Variants in ZNF331 observed in about 807,000 individuals in gnomAD.
ZNF331 encodes C2H2-like zinc finger protein rearranged in thyroid adenomas.
In ZNF331, 2 loss-of-function variants were observed where a neutral mutation model predicts 7.0. The observed-to-expected ratio is 0.29, with a 90% CI of 0.12 to 0.90. The LOEUF is 0.90. Among genes scored for constraint, ZNF331 ranks in the 40% least tolerant of loss-of-function variants. The pLI, the probability that ZNF331 is intolerant of heterozygous loss-of-function variation, is 0.58. For missense variants in ZNF331, 432 were observed against 587.7 expected, an observed-to-expected ratio of 0.74 and a Z score of 2.74; for synonymous variants, 196 against 205.4, an observed-to-expected ratio of 0.95 and a Z score of 0.39.
chr19:53,503,420 G>T, the ZNF331 span: 2 of 560,790 alleles, frequency 3.6e-6, no homozygotes, highest in Admixed American at 5.7e-5. Flanking sequence ...CCATGGGAAC[G>T]ATCTTCTTAT....
At chr19:53,513,498 T>C in the ZNF331 span, among the ~76,000 whole-genome samples, 1 of 152,216 alleles carries the variant, frequency 6.6e-6, no homozygotes, top group African/African-American at 2.4e-5. Context: ...AACAACAACG[T>C]ACAGGGGTAT....
upstream of ZNF331, among the ~76,000 whole-genome samples, chr19:53,514,668 T>TTTG (rs2086856018): frequency 1.1e-5 from 1 of 90,238 alleles, no homozygotes; most frequent in Non-Finnish European, 2.4e-5. Flanking sequence ...TTTTTTTTTT[T>TTTG]GAGACAGAGT....
chr19:53,574,346 C>T (rs145314604), intron 5 of ZNF331, among the ~76,000 whole-genome samples: 2 of 152,116 alleles, frequency 1.3e-5, no homozygotes, highest in African/African-American at 4.8e-5. Flanking sequence ...AAAGAGCATC[C>T]CCACAGGGCA....
chr19:53,534,061 TAGC>T (rs1182615685), upstream of ZNF331, among the ~76,000 whole-genome samples: 7 of 152,278 alleles, frequency 4.6e-5, no homozygotes, highest in African/African-American at 1.7e-4. Context: ...GCAGCTGTTA[TAGC>T]AGCCAAAACG....
At chr19:53,523,931 G>A (rs2569570) in intron 2 of ZNF331, among the ~76,000 whole-genome samples, 40,025 of 151,884 alleles carry the variant, frequency 0.26, 6,267 homozygotes, top group African/African-American at 0.44. Flanking sequence ...CAACTCCGAC[G>A]GGCCCTGGTG....
chr19:53,564,537 TC>T (rs1025171893), intron 3 of ZNF331, among the ~76,000 whole-genome samples: 1 of 152,184 alleles, frequency 6.6e-6, no homozygotes, highest in African/African-American at 2.4e-5. Flanking sequence ...CGCCTTGGCC[TC>T]CCAAAGCGCT....
At chr19:53,518,295 C>T (rs1038499347), upstream of ZNF331, among the ~76,000 whole-genome samples, 1 of 152,174 alleles carries the variant, frequency 6.6e-6, no homozygotes, top group East Asian at 1.9e-4. Flanking sequence ...TGGTGGTTTG[C>T]CGGGGGCCCT....
In ZNF331 at chr19:53,558,874, C is replaced by G. The variant is rs920144761; in HGVS notation, c.-74+2966C>G. The stretch of plus-strand genomic sequence containing the variant: ...CCATACACACATATACACACACATA[C>G]CCCATATATACACACATATACACAC... On this transcript the variant is annotated intron_variant, in intron 3 of 5. Transcript: ENST00000449416. This position sits in a 1 kb window ranked among gnomAD's most constrained non-coding sequence, Gnocchi z 4.5. 4.5e-5 allele frequency among the ~76,000 whole-genome samples: 6 copies of G among 133,538 alleles called. No individual in the cohort carries two copies. Among genetic ancestry groups the G allele is most frequent in the Admixed American group, 2.1e-4 (3 of 13,976 alleles). The allele number at this position is 133,538 out of a possible 152,430, so 87.6% of individuals were successfully genotyped here. A position where few individuals can be genotyped will look rare whatever the true frequency, so the allele number is the denominator to read the frequency against.
chr19:53,519,828 A>T (rs916179947), upstream of ZNF331, among the ~76,000 whole-genome samples: 3 of 152,022 alleles, frequency 2.0e-5, no homozygotes, highest in Admixed American at 6.5e-5. Flanking sequence ...GAGCTCCCCA[A>T]TCTACTGGGG....
intron 2 of ZNF331, among the ~76,000 whole-genome samples, chr19:53,553,236 G>C (rs1335724624): frequency 2.0e-5 from 3 of 150,984 alleles, no homozygotes; most frequent in Non-Finnish European, 4.4e-5. Context: ...TCTTGGCTGG[G>C]TGCAGTGGCT....
the ZNF331 span, among the ~76,000 whole-genome samples, chr19:53,509,614 C>T: frequency 6.6e-6 from 1 of 152,172 alleles, no homozygotes. Context: ...AGGATCCCTG[C>T]AGGAGAGCAG....
rs549707315 is a variant in ZNF331, at chr19:53,548,212, G to A, written c.-137-7633G>A. Among the ~76,000 whole-genome samples, 5 of 151,904 alleles carry A rather than the reference G, an allele frequency of 3.3e-5. No homozygotes were observed. In the East Asian group the frequency reaches 7.8e-4, roughly 24 times the overall value. ...CAACCTCCGCCTCCCGGGTTCAAGC[G>A]ATTCTCCTGCCTCAGCCTCCGAGTA... is the stretch of plus-strand genomic sequence containing the variant. On this transcript the variant is annotated intron_variant, in intron 2 of 5. Transcript: ENST00000449416.
At position 53,564,133 on chromosome 19, in the gene ZNF331, A is replaced by G. The variant is rs577411472; in HGVS notation, c.-73-5171A>G. Among the ~76,000 whole-genome samples, 267 of 137,694 alleles carry G rather than the reference A, an allele frequency of 1.9e-3. 3 individuals are homozygous for G. The highest frequency in any genetic ancestry group is 7.1e-3 in the African/African-American group (251 of 35,214). 90.3% of individuals were successfully genotyped at this position (137,694 alleles called of 152,430 possible). ...CACTCTGTTGCCCAGGCTGCAATAC[A>G]GTGGCTATTCACAGGTACCATCCCA... On this transcript the variant is annotated intron_variant, in intron 3 of 5. Transcript: ENST00000449416.
At chr19:53,575,013 C>T (rs757763943) in intron 5 of ZNF331, among the ~76,000 whole-genome samples, 1 of 148,246 alleles carries the variant, frequency 6.7e-6, no homozygotes, top group African/African-American at 2.5e-5. Flanking sequence ...TCTGGGCTCA[C>T]TGCAGCCTTG....
At chr19:53,566,511 C>T (rs569089614) in intron 3 of ZNF331, among the ~76,000 whole-genome samples, 52 of 152,240 alleles carry the variant, frequency 3.4e-4, no homozygotes, top group African/African-American at 1.2e-3. Flanking sequence ...CACACTGCCT[C>T]GCACAATCTG....
intron 3 of ZNF331, among the ~76,000 whole-genome samples, chr19:53,562,714 G>T (rs1424798307): frequency 1.3e-5 from 2 of 151,470 alleles, no homozygotes; most frequent in Non-Finnish European, 2.9e-5. Flanking sequence ...AAAACTCCGG[G>T]CACTGTGGCT....
At chr19:53,517,817 C>G (rs1370376168), upstream of ZNF331, among the ~76,000 whole-genome samples, 1 of 152,184 alleles carries the variant, frequency 6.6e-6, no homozygotes, top group African/African-American at 2.4e-5. Flanking sequence ...CCGAGAGCCC[C>G]CAGCAAACCA....
the ZNF331 span, among the ~76,000 whole-genome samples, chr19:53,510,058 C>T: frequency 4.6e-5 from 7 of 152,118 alleles, no homozygotes; most frequent in Admixed American, 2.0e-4. Flanking sequence ...GCCCCTGGCA[C>T]GTGGGGATTA....
At chr19:53,520,777 G>A (rs77466693), upstream of ZNF331, among the ~76,000 whole-genome samples, 7,463 of 151,264 alleles carry the variant, frequency 0.049, 224 homozygotes, top group East Asian at 0.15. Flanking sequence ...CCCGGGTTAT[G>A]AGCTACATTT....
Sources: gnomAD v4.1 joint callset for allele counts (sites outside exome capture counted in the v4.1 genomes callset) on GRCh38, gnomAD v4.1.1 for gene constraint, Gnocchi (gnomAD v3.1) non-coding constraint, MANE v1.5 for transcripts, NCBI Gene and HGNC (gene_info 2026-07-23, HGNC 2026-07-21) for gene names.